PTP4A3: variants seen among roughly 807,000 people sequenced by gnomAD.
PTP4A3 encodes the protein protein tyrosine phosphatase type IVA 3.
In PTP4A3, 9 loss-of-function variants were observed where a neutral mutation model predicts 15.2. That is an observed-to-expected ratio of 0.59 (90% CI 0.36 to 1.03). PTP4A3 has a LOEUF of 1.03. PTP4A3 is among the 50% of genes least tolerant of loss of function. PTP4A3 has a pLI of 0.02. For synonymous variants in PTP4A3, 95 were observed against 102.0 expected (o/e 0.93, Z 0.41); for missense variants, 234 against 252.1 (o/e 0.93, Z 0.49).
chr8:141,427,713 A>G lies in PTP4A3; in HGVS notation c.330-37A>G, dbSNP rs373938460. Reference sequence around the variant, plus strand: ...CCCTGCCAAGGGGACAGGGGTGCGCAGGCTCCGATGACCCCCGCCCTGCTG... The same window carrying G: ...CCCTGCCAAGGGGACAGGGGTGCGCGGGCTCCGATGACCCCCGCCCTGCTG... On this transcript the variant is annotated intron_variant, in intron 4 of 5. Coordinates refer to ENST00000521578, the MANE Select transcript of PTP4A3 (RefSeq NM_032611.3). 1.8e-4 allele frequency: 277 copies of G among 1,532,778 alleles called. 1 individual carries two copies. In the African/African-American group the frequency reaches 3.0e-3, roughly 16 times the overall value. The allele number at this position is 1,532,778 out of a possible 1,614,324, so 94.9% of individuals were successfully genotyped here. A position where few individuals can be genotyped will look rare whatever the true frequency, so the allele number is the denominator to read the frequency against.
At chr8:141,415,457 C>T (rs1833001510) in intron 1 of PTP4A3, among the ~76,000 whole-genome samples, 1 of 150,682 alleles carries the variant, frequency 6.6e-6, no homozygotes, top group Non-Finnish European at 1.5e-5. Flanking sequence ...GACCCTCCTG[C>T]CCTCTGGCCG....
intron 1 of PTP4A3, among the ~76,000 whole-genome samples, chr8:141,394,856 C>T (rs1401594511): frequency 6.6e-6 from 1 of 152,218 alleles, no homozygotes; most frequent in South Asian, 2.1e-4. Context: ...CTGCACTTCG[C>T]ACAGTTACGT....
chr8:141,417,985 C>T (rs1833132229), intron 1 of PTP4A3, among the ~76,000 whole-genome samples: 1 of 151,932 alleles, frequency 6.6e-6, no homozygotes, highest in African/African-American at 2.4e-5. Context: ...GCCAGGCCGG[C>T]GCGTATGGAG....
chr8:141,394,352 C>T (rs1832384137), intron 1 of PTP4A3, among the ~76,000 whole-genome samples: 1 of 152,102 alleles, frequency 6.6e-6, no homozygotes, highest in Non-Finnish European at 1.5e-5. Context: ...CCATGAAGGT[C>T]CCAAATCTGA....
rs781063352 is a variant in PTP4A3, at chr8:141,425,009, C to A, written c.106-39C>A. The A allele has an allele frequency of 1.3e-6, 2 of 1,557,346 alleles. No individual in the cohort carries two copies. Among genetic ancestry groups the A allele is most frequent in the South Asian group, 2.2e-5 (2 of 89,424 alleles). ...GGTCCTGCCCCCTGAGCCCTGCAGC[C>A]CCAGCCCAGCCCTGCCTCCTCCGTC... On this transcript the variant is annotated intron_variant, in intron 2 of 5. Coordinates refer to ENST00000521578, the MANE Select transcript of PTP4A3 (RefSeq NM_032611.3). This position sits in a 1 kb window ranked among gnomAD's most constrained non-coding sequence, Gnocchi z 4.2.
intron 1 of PTP4A3, among the ~76,000 whole-genome samples, chr8:141,416,615 G>A (rs1314033985): frequency 6.6e-6 from 1 of 152,098 alleles, no homozygotes; most frequent in Non-Finnish European, 1.5e-5. Context: ...GTGGGTGGGT[G>A]CCCTTGCCAG....
At chr8:141,404,349 A>G (rs907043417) in intron 1 of PTP4A3, among the ~76,000 whole-genome samples, 7 of 152,254 alleles carry the variant, frequency 4.6e-5, no homozygotes, top group African/African-American at 1.7e-4. Flanking sequence ...GGGTTGGGGT[A>G]GAAACTGGAT....
At chr8:141,411,581 C>T (rs943468204) in intron 1 of PTP4A3, among the ~76,000 whole-genome samples, 1 of 152,248 alleles carries the variant, frequency 6.6e-6, no homozygotes, top group African/African-American at 2.4e-5. Flanking sequence ...GGCCTACGTG[C>T]ATGCCGGCTG....
chr8:141,405,640 A>G (rs1184994674), intron 1 of PTP4A3, among the ~76,000 whole-genome samples: 1 of 152,178 alleles, frequency 6.6e-6, no homozygotes, highest in Non-Finnish European at 1.5e-5. Context: ...TACGGTGCCC[A>G]TTGAGAACCA....
intron 5 of PTP4A3, among the ~76,000 whole-genome samples, chr8:141,430,313 G>A (rs1833802962): frequency 6.9e-6 from 1 of 145,056 alleles, no homozygotes; most frequent in Non-Finnish European, 1.5e-5. Flanking sequence ...ACCCGGTGGC[G>A]GGGACAGGGT....
chr8:141,409,957 A>G (rs1280092188), intron 1 of PTP4A3, among the ~76,000 whole-genome samples: 2 of 152,172 alleles, frequency 1.3e-5, no homozygotes, highest in Non-Finnish European at 2.9e-5. Flanking sequence ...ATGGCAGCCA[A>G]TGCCTGCAGC....
Position 141,425,686 on chromosome 8 carries a change from C to T in PTP4A3, c.198+546C>T, listed in dbSNP as rs180715071. ...GCCCCAGGGGGGTCCACCCCCGGCC[C>T]GGTGGACGACTGCCCCCCTGGTGCA... On this transcript the variant is annotated intron_variant, in intron 3 of 5. Transcript: ENST00000521578. This position sits in a 1 kb window ranked among gnomAD's most constrained non-coding sequence, Gnocchi z 4.2. Among the ~76,000 whole-genome samples, 43 of 152,288 alleles carry T rather than the reference C, an allele frequency of 2.8e-4. No individual in the cohort carries two copies. In the East Asian group the frequency reaches 7.3e-3, roughly 26 times the overall value.
chr8:141,404,746 A>T (rs999891905), intron 1 of PTP4A3, among the ~76,000 whole-genome samples: 4 of 152,172 alleles, frequency 2.6e-5, no homozygotes, highest in African/African-American at 9.7e-5. Flanking sequence ...CTCCAGGAGG[A>T]GGCAGCCATG....
intron 1 of PTP4A3, among the ~76,000 whole-genome samples, chr8:141,413,514 C>T (rs1832924062): frequency 6.6e-6 from 1 of 152,256 alleles, no homozygotes; most frequent in African/African-American, 2.4e-5. Flanking sequence ...ACCCCGTACT[C>T]CAGAGCGACT....
chr8:141,408,474 C>T (rs1001801380), intron 1 of PTP4A3, among the ~76,000 whole-genome samples: 1 of 152,070 alleles, frequency 6.6e-6, no homozygotes, highest in South Asian at 2.1e-4. Context: ...CAAAAATTAG[C>T]CGGTTGTGGT....
chr8:141,427,820 C>A lies in PTP4A3; in HGVS notation c.400C>A (p.Arg134Ser). 1 of 1,549,930 alleles carries A rather than the reference C, an allele frequency of 6.5e-7. No homozygotes were observed. The highest frequency in any genetic ancestry group is 8.7e-7 in the Non-Finnish European group (1 of 1,146,488). The change falls in exon 5 of 6, where the codon CGC (arginine) becomes AGC (serine). Residue 134 changes from arginine (R) to serine (S), a missense_variant. Coordinates refer to ENST00000521578, the MANE Select transcript of PTP4A3 (RefSeq NM_032611.3). Reference protein sequence around the residue: ...MKYEDAIQFIRQKRRGAINSK... With the variant: ...MKYEDAIQFISQKRRGAINSK... ...GTACGAGGACGCCATCCAGTTCATC[C>A]GCCAGTGAGTGGCCGCGGTGGTGGG... is the stretch of plus-strand genomic sequence containing the variant.
chr8:141,427,866 G>A, intron 5 of PTP4A3, 42 bp downstream of exon 5: 1 of 1,519,584 alleles, frequency 6.6e-7, no homozygotes, highest in Non-Finnish European at 8.9e-7. Context: ...AGCGCTGGGG[G>A]AGGGGAGATC....
rs1213051170 is a variant in PTP4A3 at position 141,421,974 on chromosome 8, C to T, written c.-267C>T. ...TTTACTTTGGTTGGGTTGGGGGGGG[C>T]GGCGGGCTGTTTTGTTCCTTTTCTT... On this transcript the variant is annotated 5_prime_UTR_variant, in exon 2 of 6. Transcript: ENST00000521578. The T allele has an allele frequency of 2.3e-6, 1 of 428,326 alleles. No individual in the cohort carries two copies. Among genetic ancestry groups the T allele is most frequent in the Non-Finnish European group, 4.1e-6 (1 of 241,816 alleles). The allele number at this position is 428,326 out of a possible 1,614,324, so 26.5% of individuals were successfully genotyped here.
chr8:141,420,384 G>A (rs754029153), intron 1 of PTP4A3, among the ~76,000 whole-genome samples: 4 of 152,258 alleles, frequency 2.6e-5, no homozygotes, highest in Middle Eastern at 3.4e-3. Context: ...CAAAGAGGCC[G>A]GCACCTTGCT....
Sources: allele counts gnomAD v4.1 joint callset (sites outside exome capture counted in the v4.1 genomes callset), GRCh38; gene constraint gnomAD v4.1.1; non-coding constraint Gnocchi (gnomAD v3.1); transcripts MANE v1.5; gene names NCBI Gene and HGNC (gene_info 2026-07-23, HGNC 2026-07-21).